Variants in RPH3A observed in about 807,000 individuals in gnomAD.
RPH3A encodes rabphilin-3A.
RPH3A carries 48 observed loss-of-function variants against 102.2 expected under a neutral mutation model. That is an observed-to-expected ratio of 0.47 (90% CI 0.37 to 0.60). The LOEUF (loss-of-function observed/expected upper bound fraction) is 0.60, where lower values mean the gene tolerates loss of function less well. Among genes scored for constraint, RPH3A ranks in the 20% least tolerant of loss-of-function variants. The pLI is 0.00. For missense variants in RPH3A, 781 were observed against 910.1 expected (o/e 0.86, Z 1.83); for synonymous variants, 310 against 324.3 (o/e 0.96, Z 0.47).
At chr12:112,601,465 CTGAAAG>C (rs1352810032) in intron 1 of RPH3A, among the ~76,000 whole-genome samples, 3 of 152,156 alleles carry the variant, frequency 2.0e-5, no homozygotes, top group Admixed American at 1.3e-4. Context: ...ATTCATGCCA[CTGAAAG>C]TGAGTGAGCC....
Position 112,876,632 on chromosome 12 carries a change from C to G in RPH3A, c.947-10C>G, listed in dbSNP as rs1233081621. 6.3e-7 allele frequency: 1 copy of G among 1,583,272 alleles called. No homozygotes were observed. The highest frequency in any genetic ancestry group is 8.6e-7 in the Non-Finnish European group (1 of 1,163,258). The stretch of plus-strand genomic sequence containing the variant: ...GCAGCTGCATGTTTCCTGTCCTTAT[C>G]TCCCTGCAGAGGTGGCTCCGAGCGA... On this transcript the variant is annotated splice_polypyrimidine_tract_variant and intron_variant, in intron 12 of 21. Coordinates refer to ENST00000389385, the MANE Select transcript of RPH3A (RefSeq NM_001143854.2).
intron 1 of RPH3A, among the ~76,000 whole-genome samples, chr12:112,659,548 G>A (rs149938289): frequency 5.3e-4 from 81 of 152,260 alleles, no homozygotes; most frequent in African/African-American, 1.9e-3. Flanking sequence ...ATTACTGATG[G>A]TATTCAATTT....
intron 2 of RPH3A, among the ~76,000 whole-genome samples, chr12:112,820,246 A>G (rs2041754138): frequency 6.6e-6 from 1 of 152,220 alleles, no homozygotes; most frequent in Non-Finnish European, 1.5e-5. Flanking sequence ...TAGCTGCTGG[A>G]GAGAACGAAC....
At chr12:112,853,907 A>G (rs1261374018) in intron 5 of RPH3A, among the ~76,000 whole-genome samples, 1 of 152,190 alleles carries the variant, frequency 6.6e-6, no homozygotes, top group Non-Finnish European at 1.5e-5. Context: ...GAACAAATAC[A>G]TGTTGAATGA....
chr12:112,841,252 C>G (rs1221882130), intron 4 of RPH3A, among the ~76,000 whole-genome samples: 1 of 145,040 alleles, frequency 6.9e-6, no homozygotes, highest in African/African-American at 2.6e-5. Flanking sequence ...AGTCAAAGTT[C>G]CTGAGATTCA....
At chr12:112,828,121 G>C (rs1232700286) in intron 2 of RPH3A, among the ~76,000 whole-genome samples, 180 bp from the exon 3 acceptor site, 1 of 152,072 alleles carries the variant, frequency 6.6e-6, no homozygotes, top group Non-Finnish European at 1.5e-5. Flanking sequence ...GGGTAGCTGT[G>C]ACTTCCAGCA....
intron 2 of RPH3A, among the ~76,000 whole-genome samples, chr12:112,806,641 A>T (rs1244726800): frequency 6.6e-6 from 1 of 152,174 alleles, no homozygotes; most frequent in Non-Finnish European, 1.5e-5. Context: ...AAATTAAAAA[A>T]AAAACAAAAA....
At chr12:112,754,667 G>A (rs924781540) in intron 1 of RPH3A, among the ~76,000 whole-genome samples, 4 of 152,150 alleles carry the variant, frequency 2.6e-5, no homozygotes, top group Admixed American at 6.5e-5. Flanking sequence ...CAAAGAGAGG[G>A]AAGAATCTAA....
Position 112,678,367 on chromosome 12 carries a change from A to G in RPH3A, c.-140+103048A>G, listed in dbSNP as rs1009350464. Among the ~76,000 whole-genome samples the G allele has an allele frequency of 2.0e-5, 3 of 149,644 alleles. No individual in the cohort carries two copies. The South Asian group carries it at 6.4e-4, about 32-fold the overall frequency. ...AAGGAAGGAAGGAAAGGAAGGAAGGAAGGGAAAGAAAGAAAGAAGAAACAA... is the reference window on the plus strand; with the variant it reads ...AAGGAAGGAAGGAAAGGAAGGAAGGGAGGGAAAGAAAGAAAGAAGAAACAA... On this transcript the variant is annotated intron_variant, in intron 1 of 21. Coordinates refer to the RPH3A transcript ENST00000543106.
At chr12:112,688,130 T>C (rs1315797691) in intron 1 of RPH3A, among the ~76,000 whole-genome samples, 1 of 152,216 alleles carries the variant, frequency 6.6e-6, no homozygotes, top group Non-Finnish European at 1.5e-5. Context: ...CTTAACGTGT[T>C]GTTGAAAGAA....
intron 1 of RPH3A, among the ~76,000 whole-genome samples, chr12:112,710,564 C>T (rs1006480347): frequency 2.0e-5 from 3 of 152,154 alleles, no homozygotes; most frequent in Admixed American, 6.6e-5. Flanking sequence ...TGTTGTGACA[C>T]GTCCTTAAGG....
chr12:112,850,054 C>G (rs952313581), intron 5 of RPH3A, among the ~76,000 whole-genome samples: 3 of 152,170 alleles, frequency 2.0e-5, no homozygotes, highest in Non-Finnish European at 4.4e-5. Flanking sequence ...TCCCTACCAA[C>G]CTGGTGACAT....
At chr12:112,868,709 G>A (rs2042654691) in intron 8 of RPH3A, 114 bp downstream of exon 8, 2 of 1,180,788 alleles carry the variant, frequency 1.7e-6, no homozygotes, top group Non-Finnish European at 2.4e-6. Flanking sequence ...TGCATGGTCA[G>A]CTTCTGCACT....
chr12:112,846,628 G>A (rs565285881), intron 4 of RPH3A, among the ~76,000 whole-genome samples: 118 of 152,348 alleles, frequency 7.7e-4, no homozygotes, highest in Admixed American at 2.5e-3. Flanking sequence ...CAAGCCTGGC[G>A]GCTAATGGGG....
intron 1 of RPH3A, among the ~76,000 whole-genome samples, chr12:112,669,152 C>T (rs980832817): frequency 1.3e-4 from 20 of 152,164 alleles, no homozygotes; most frequent in Admixed American, 1.3e-3. Context: ...GCCCAAACTC[C>T]GTTTACCACA....
intron 1 of RPH3A, among the ~76,000 whole-genome samples, chr12:112,785,170 C>A (rs1227176991): frequency 1.3e-5 from 2 of 150,846 alleles, no homozygotes; most frequent in African/African-American, 4.9e-5. Flanking sequence ...TGCAGTGAGC[C>A]GAGATTGCGC....
intron 1 of RPH3A, among the ~76,000 whole-genome samples, chr12:112,700,864 TTC>T (rs1200666534): frequency 3.3e-5 from 5 of 152,164 alleles, no homozygotes; most frequent in African/African-American, 7.2e-5. Context: ...ATCTTATCCA[TTC>T]TCATGTCCCA....
chr12:112,589,161 G>C (rs565361686), intron 1 of RPH3A, among the ~76,000 whole-genome samples: 2 of 151,918 alleles, frequency 1.3e-5, no homozygotes, highest in South Asian at 4.2e-4. Flanking sequence ...GAGGCTGGAG[G>C]GGGAAGTGGG....
intron 1 of RPH3A, among the ~76,000 whole-genome samples, chr12:112,606,102 T>C (rs1245815571): frequency 2.0e-5 from 3 of 152,206 alleles, no homozygotes; most frequent in East Asian, 3.8e-4. Flanking sequence ...TGCTTGGCCC[T>C]GGCTCCTTCC....
Sources: gnomAD v4.1 joint callset for allele counts (sites outside exome capture counted in the v4.1 genomes callset) on GRCh38, gnomAD v4.1.1 for gene constraint, MANE v1.5 for transcripts, NCBI Gene and HGNC (gene_info 2026-07-23, HGNC 2026-07-21) for gene names.